FGF10: variants seen among roughly 807,000 people sequenced by gnomAD.
The protein encoded by FGF10 is fibroblast growth factor 10, also known as FGF-10.
FGF10 carries 2 observed loss-of-function variants against 19.8 expected under a neutral mutation model. The observed-to-expected ratio is 0.10, with a 90% confidence interval of 0.04 to 0.32. The LOEUF is 0.32. Ranked by LOEUF, FGF10 falls within the 10% of genes least tolerant of loss-of-function variation. The pLI is 1.00. For missense variants in FGF10, 191 were observed against 246.3 expected (o/e 0.78, Z 1.50); for synonymous variants, 112 against 94.0 (o/e 1.19, Z -1.10).
chr5:44,371,750 G>T (rs1741746394), intron 1 of FGF10, among the ~76,000 whole-genome samples: 1 of 152,018 alleles, frequency 6.6e-6, no homozygotes, highest in Non-Finnish European at 1.5e-5. Context: ...AACTAAATTT[G>T]TTATCCCTTT....
At chr5:44,354,197 A>C (rs1261863880) in intron 1 of FGF10, among the ~76,000 whole-genome samples, 2 of 151,336 alleles carry the variant, frequency 1.3e-5, no homozygotes, top group East Asian at 3.9e-4. Context: ...ACACCTTTGT[A>C]AGTAAAACTC....
chr5:44,340,661 T>A, intron 1 of FGF10, among the ~76,000 whole-genome samples: 1 of 151,964 alleles, frequency 6.6e-6, no homozygotes, highest in Non-Finnish European at 1.5e-5. Context: ...TTACTTAACA[T>A]GAAATTCTGA....
At chr5:44,319,545 A>G (rs1740432493) in intron 1 of FGF10, among the ~76,000 whole-genome samples, 1 of 152,140 alleles carries the variant, frequency 6.6e-6, no homozygotes, top group Non-Finnish European at 1.5e-5. Context: ...AATACTTAAT[A>G]TGGAATAAGT....
intron 1 of FGF10, among the ~76,000 whole-genome samples, chr5:44,379,899 C>T (rs1196133041): frequency 6.6e-6 from 1 of 152,168 alleles, no homozygotes; most frequent in African/African-American, 2.4e-5. Flanking sequence ...CCTCTGGCTT[C>T]TAAAAAATTT....
At chr5:44,354,464 C>T (rs1485117166) in intron 1 of FGF10, among the ~76,000 whole-genome samples, 2 of 151,414 alleles carry the variant, frequency 1.3e-5, no homozygotes, top group African/African-American at 4.8e-5. Context: ...GTTATGTGGG[C>T]TTTTTTAGGT....
chr5:44,349,046 G>A (rs1056561005), intron 1 of FGF10, among the ~76,000 whole-genome samples: 5 of 151,390 alleles, frequency 3.3e-5, no homozygotes, highest in African/African-American at 1.2e-4. Flanking sequence ...AGCAGACTTT[G>A]CTTAACATTT....
At position 44,373,292 on chromosome 5, in the gene FGF10, C is replaced by T. The variant is rs906084041; in HGVS notation, c.325+15066G>A. On this transcript the variant is annotated intron_variant, in intron 1 of 2. Transcript: ENST00000264664. ...CAGCACTATCATAAGGTTGTCTAGT[C>T]GTACCCTTAGCCTTCTCTTCAGAGC... Among the ~76,000 whole-genome samples the T allele has an allele frequency of 5.3e-5, 8 of 152,146 alleles. No homozygotes were observed. In the East Asian group the frequency reaches 7.7e-4, roughly 15 times the overall value.
At chr5:44,321,615 C>A (rs1740491489) in intron 1 of FGF10, among the ~76,000 whole-genome samples, 1 of 152,190 alleles carries the variant, frequency 6.6e-6, no homozygotes, top group South Asian at 2.1e-4. Flanking sequence ...GTGTCATCTA[C>A]AGAGAAATGC....
chr5:44,387,297 C>T (rs1742123804), intron 1 of FGF10, among the ~76,000 whole-genome samples: 1 of 152,088 alleles, frequency 6.6e-6, no homozygotes, highest in South Asian at 2.1e-4. Flanking sequence ...TCTCTTCCCC[C>T]AACCAGCCCA....
intron 1 of FGF10, among the ~76,000 whole-genome samples, chr5:44,326,337 G>A (rs1260377050): frequency 1.3e-5 from 2 of 152,136 alleles, no homozygotes; most frequent in East Asian, 3.9e-4. Context: ...CAATTGAGAA[G>A]TATGATGAAG....
At chr5:44,366,027 C>A (rs1192888806) in intron 1 of FGF10, among the ~76,000 whole-genome samples, 1 of 148,048 alleles carries the variant, frequency 6.8e-6, no homozygotes, top group Non-Finnish European at 1.5e-5. Flanking sequence ...TTGATTTGAT[C>A]TTTTGAAATT....
intron 1 of FGF10, among the ~76,000 whole-genome samples, chr5:44,363,727 G>A (rs1448451496): frequency 6.6e-6 from 1 of 151,792 alleles, no homozygotes; most frequent in African/African-American, 2.4e-5. Flanking sequence ...TCAGCAACCT[G>A]GTATTTGTCC....
At chr5:44,364,132 A>C (rs1163956904) in intron 1 of FGF10, among the ~76,000 whole-genome samples, 2 of 151,904 alleles carry the variant, frequency 1.3e-5, no homozygotes, top group African/African-American at 4.8e-5. Flanking sequence ...TTGAAAATTA[A>C]ATTTCTAAGA....
At chr5:44,325,137 C>A (rs1740580951) in intron 1 of FGF10, among the ~76,000 whole-genome samples, 1 of 152,132 alleles carries the variant, frequency 6.6e-6, no homozygotes, top group South Asian at 2.1e-4. Context: ...TGAAAAAATG[C>A]TCATCATCAC....
intron 1 of FGF10, among the ~76,000 whole-genome samples, chr5:44,379,024 C>CTCATTTTGCAGTTCCCT (rs1741930853): frequency 6.6e-6 from 1 of 152,168 alleles, no homozygotes; most frequent in Non-Finnish European, 1.5e-5. Context: ...AGGCACCAAA[C>CTCATTTTGCAGTTCCCT]TCTCCCTTTG....
chr5:44,354,718 T>C (rs1038919096), intron 1 of FGF10, among the ~76,000 whole-genome samples: 1 of 151,490 alleles, frequency 6.6e-6, no homozygotes, highest in African/African-American at 2.4e-5. Context: ...TTAGGAAAGT[T>C]ATAACACAGC....
At chr5:44,375,730 A>T (rs1232107232) in intron 1 of FGF10, among the ~76,000 whole-genome samples, 1 of 152,056 alleles carries the variant, frequency 6.6e-6, no homozygotes, top group Non-Finnish European at 1.5e-5. Flanking sequence ...TAGTACACTG[A>T]GACTGAACAG....
At chr5:44,349,461 T>G (rs1375838472) in intron 1 of FGF10, among the ~76,000 whole-genome samples, 3 of 31,584 alleles carry the variant, frequency 9.5e-5, no homozygotes, top group African/African-American at 3.4e-4. Flanking sequence ...TATATATATA[T>G]ATATATATCA....
At chr5:44,376,900 A>G (rs1384106313) in intron 1 of FGF10, among the ~76,000 whole-genome samples, 2 of 152,194 alleles carry the variant, frequency 1.3e-5, no homozygotes, top group African/African-American at 4.8e-5. Flanking sequence ...AAAAAAGTAA[A>G]GGGCAAGTTT....
Sources: allele counts gnomAD v4.1 joint callset (sites outside exome capture counted in the v4.1 genomes callset), GRCh38; gene constraint gnomAD v4.1.1; transcripts MANE v1.5; gene names NCBI Gene and HGNC (gene_info 2026-07-23, HGNC 2026-07-21).